The following AFF3 variants were observed in gnomAD, a reference collection of about 807,000 sequenced individuals.
AFF3 encodes AF4/FMR2 family member 3.
In AFF3, 32 loss-of-function variants were observed where a neutral mutation model predicts 129.7. The observed-to-expected ratio is 0.25, with a 90% CI of 0.19 to 0.33. The LOEUF (loss-of-function observed/expected upper bound fraction) is 0.33, where lower values mean the gene tolerates loss of function less well. AFF3 is among the 10% of genes least tolerant of loss of function. The probability of loss-of-function intolerance (pLI) is 1.00; values close to 1 mark genes in which losing one functional copy is unlikely to be tolerated. For synonymous variants in AFF3, 644 were observed against 635.4 expected (o/e 1.01, Z -0.20); for missense variants, 1,373 against 1,592.0 (o/e 0.86, Z 2.34).
chr2:99,792,564 C>T (rs867987405), intron 8 of AFF3, among the ~76,000 whole-genome samples: 4 of 152,162 alleles, frequency 2.6e-5, no homozygotes, highest in Non-Finnish European at 4.4e-5. Context: ...TTAGCATCTT[C>T]GGAGCAAAGC....
At chr2:99,616,341 C>CTT (rs1034244897) in intron 13 of AFF3, among the ~76,000 whole-genome samples, 1 of 148,360 alleles carries the variant, frequency 6.7e-6, no homozygotes, top group Admixed American at 6.8e-5. Flanking sequence ...AGCTCTTTGA[C>CTT]TTTTTTTTTT....
chr2:99,618,507 A>C (rs1164281791), intron 13 of AFF3, among the ~76,000 whole-genome samples: 1 of 152,058 alleles, frequency 6.6e-6, no homozygotes, highest in Non-Finnish European at 1.5e-5. Context: ...AAGTGCTGGG[A>C]TCACAGGTGT....
chr2:100,016,831 T>TGGTGGTAATGGTGGTGGTGATGAA (rs1683156448), intron 4 of AFF3, among the ~76,000 whole-genome samples: 1 of 151,114 alleles, frequency 6.6e-6, no homozygotes, highest in Non-Finnish European at 1.5e-5. Flanking sequence ...GTGGTGGTGA[T>TGGTGGTAATGGTGGTGGTGATGAA]GGTGGTAATG....
chr2:100,020,484 T>C (rs1016446575), intron 4 of AFF3, among the ~76,000 whole-genome samples: 57 of 152,130 alleles, frequency 3.7e-4, no homozygotes, highest in Admixed American at 7.2e-4. Context: ...CAACTCCCTA[T>C]GTGGCCTTCT....
intron 13 of AFF3, among the ~76,000 whole-genome samples, chr2:99,618,892 C>A (rs1011264642): frequency 2.4e-5 from 2 of 82,672 alleles, no homozygotes; most frequent in African/African-American, 4.9e-5. Context: ...TAGCTCTGAT[C>A]GATTCATTCA....
intron 8 of AFF3, among the ~76,000 whole-genome samples, chr2:99,778,870 T>TTGTGTG (rs60512639): frequency 2.9e-5 from 4 of 138,488 alleles, no homozygotes; most frequent in Non-Finnish European, 6.1e-5. Context: ...ACCTATAATT[T>TTGTGTG]TGTGTGTGTG....
At chr2:100,109,680 A>T (rs1299663226) in intron 2 of AFF3, among the ~76,000 whole-genome samples, 1 of 152,234 alleles carries the variant, frequency 6.6e-6, no homozygotes, top group Non-Finnish European at 1.5e-5. Flanking sequence ...TATCATTAGC[A>T]AACATGTCTA....
chr2:99,980,486 A>G (rs959574920), intron 7 of AFF3, among the ~76,000 whole-genome samples: 2 of 152,260 alleles, frequency 1.3e-5, no homozygotes. Context: ...TTCAGATGTC[A>G]AAGGAATAAC....
intron 20 of AFF3, among the ~76,000 whole-genome samples, chr2:99,561,683 G>C (rs926728535): frequency 6.6e-6 from 1 of 152,072 alleles, no homozygotes; most frequent in African/African-American, 2.4e-5. Context: ...TGGACTGCTG[G>C]TATAATTTTT....
chr2:99,763,680 C>T (rs1682792836), intron 8 of AFF3, among the ~76,000 whole-genome samples: 1 of 152,140 alleles, frequency 6.6e-6, no homozygotes, highest in Non-Finnish European at 1.5e-5. Flanking sequence ...GCATAGGCTG[C>T]TAAAATGCCA....
At position 99,550,172 on chromosome 2, in the gene AFF3, T is replaced by A. The variant is rs1270585330; in HGVS notation, c.*1302A>T. 4.4e-6 allele frequency: 1 copy of A among 229,060 alleles called. No individual in the cohort carries two copies. Among genetic ancestry groups the A allele is most frequent in the Non-Finnish European group, 8.6e-6 (1 of 115,700 alleles). The allele number at this position is 229,060 out of a possible 1,614,324, so 14.2% of individuals were successfully genotyped here. A position where few individuals can be genotyped will look rare whatever the true frequency, so the allele number is the denominator to read the frequency against. ...ACTGTAAACAAGATGTCAAAGAAAC[T>A]AAAATGTAAACTTAATTAAAAAAAG... On this transcript the variant is annotated 3_prime_UTR_variant, in exon 25 of 25. Transcript: ENST00000672756.
chr2:99,669,350 G>A (rs1404827079), intron 12 of AFF3, among the ~76,000 whole-genome samples: 5 of 152,056 alleles, frequency 3.3e-5, no homozygotes, highest in African/African-American at 9.7e-5. Context: ...AGTAAATTAT[G>A]GCATACACAC....
intron 4 of AFF3, among the ~76,000 whole-genome samples, chr2:100,041,809 C>A (rs967584417): frequency 2.6e-5 from 4 of 152,136 alleles, no homozygotes; most frequent in African/African-American, 4.8e-5. Context: ...AGCTTTCAAC[C>A]AAACATATAG....
At chr2:99,837,683 T>C (rs1020386036) in intron 7 of AFF3, among the ~76,000 whole-genome samples, 159 bp from the exon 8 acceptor site, 1 of 152,050 alleles carries the variant, frequency 6.6e-6, no homozygotes, top group Admixed American at 6.6e-5. Context: ...CTCCTTTCCC[T>C]AACAGCCGGC....
chr2:99,807,215 A>G (rs913875033), intron 8 of AFF3, among the ~76,000 whole-genome samples: 6 of 152,194 alleles, frequency 3.9e-5, no homozygotes, highest in Non-Finnish European at 8.8e-5. Context: ...CTCATAAATG[A>G]GGAAACAGGG....
At chr2:99,702,762 T>C (rs930957252) in intron 11 of AFF3, among the ~76,000 whole-genome samples, 1 of 152,260 alleles carries the variant, frequency 6.6e-6, no homozygotes, top group Admixed American at 6.5e-5. Context: ...AACTGGATGG[T>C]TTCTTTAATG....
At chr2:99,644,819 A>T (rs933532730) in intron 13 of AFF3, among the ~76,000 whole-genome samples, 1 of 152,192 alleles carries the variant, frequency 6.6e-6, no homozygotes, top group East Asian at 1.9e-4. Context: ...TATTTTCCAC[A>T]TTGGCGGTGA....
intron 7 of AFF3, among the ~76,000 whole-genome samples, chr2:99,894,347 A>G (rs1255244477): frequency 3.9e-5 from 6 of 151,978 alleles, no homozygotes; most frequent in African/African-American, 1.4e-4. Context: ...GGAAGGGAGG[A>G]GAGAAAAAAG....
At chr2:99,942,017 T>G (rs769400199) in intron 7 of AFF3, among the ~76,000 whole-genome samples, 33 of 152,090 alleles carry the variant, frequency 2.2e-4, no homozygotes, top group Non-Finnish European at 4.3e-4. Context: ...ATACAACATA[T>G]ATATAAGTGT....
Sources: gnomAD v4.1 joint callset for allele counts (sites outside exome capture counted in the v4.1 genomes callset) on GRCh38, gnomAD v4.1.1 for gene constraint, MANE v1.5 for transcripts, NCBI Gene and HGNC (gene_info 2026-07-23, HGNC 2026-07-21) for gene names.